NCAPG: variants seen among roughly 807,000 people sequenced by gnomAD.
NCAPG encodes condensin complex subunit 3.
In NCAPG, 69 loss-of-function variants were observed where a neutral mutation model predicts 113.1. The observed-to-expected ratio is 0.61, with a 90% CI of 0.50 to 0.75. The LOEUF (loss-of-function observed/expected upper bound fraction) is 0.75, where lower values mean the gene tolerates loss of function less well. NCAPG is among the 30% of genes least tolerant of loss of function. NCAPG has a pLI of 0.00. For missense variants in NCAPG, 1,058 were observed against 1,177.0 expected (o/e 0.90, Z 1.48); for synonymous variants, 370 against 415.8 (o/e 0.89, Z 1.34).
intron 1 of NCAPG, among the ~76,000 whole-genome samples, chr4:17,812,005 G>C (rs1408803768): frequency 6.6e-6 from 1 of 152,168 alleles, no homozygotes; most frequent in Non-Finnish European, 1.5e-5. Context: ...TCTTTTCACT[G>C]TCAAAAGTCA....
chr4:17,833,742 T>G (rs1560230549), intron 13 of NCAPG, among the ~76,000 whole-genome samples: 1 of 152,014 alleles, frequency 6.6e-6, no homozygotes, highest in Non-Finnish European at 1.5e-5. Flanking sequence ...GTTTCGTGAT[T>G]TACGTCTTTT....
intron 12 of NCAPG, 55 bp from the exon 13 acceptor site, chr4:17,830,942 T>C: frequency 1.3e-6 from 2 of 1,555,624 alleles, no homozygotes; most frequent in Non-Finnish European, 1.8e-6. Context: ...TAATAGACAA[T>C]AGGGAAATGA....
Position 17,844,640 on chromosome 4 carries a change from G to C in NCAPG, c.*1215G>C, listed in dbSNP as rs1019264263. On this transcript the variant is annotated 3_prime_UTR_variant, in exon 21 of 21. Transcript: ENST00000251496. ...TGGCTCTGTGTTCTCCTGTGCTTCA[G>C]ATTCCTTATGTGTTGTTGTTTTAAA... The C allele has an allele frequency of 1.3e-5, 2 of 151,436 alleles. No individual in the cohort carries two copies. Among genetic ancestry groups the C allele is most frequent in the African/African-American group, 2.5e-5 (1 of 40,524 alleles). The allele number at this position is 151,436 out of a possible 1,614,324, so 9.4% of individuals were successfully genotyped here. A position where few individuals can be genotyped will look rare whatever the true frequency, so the allele number is the denominator to read the frequency against.
intron 7 of NCAPG, 52 bp downstream of exon 7, chr4:17,818,140 A>C (rs1249175240): frequency 6.5e-7 from 1 of 1,529,884 alleles, no homozygotes; most frequent in Non-Finnish European, 8.8e-7. Context: ...TGCATGTGTC[A>C]ATCTCCCAGT....
In NCAPG at chr4:17,825,566, A is replaced by C; in HGVS notation, c.1653+5A>C. ...AAAGAAGTCCACATAGAGAAGGTACAGGTAACTTTTTTCATACTAAATCTC... is the reference window on the plus strand; with the variant it reads ...AAAGAAGTCCACATAGAGAAGGTACCGGTAACTTTTTTCATACTAAATCTC... On this transcript the variant is annotated splice_donor_5th_base_variant and intron_variant, in intron 11 of 20. Coordinates refer to ENST00000251496, the MANE Select transcript of NCAPG (RefSeq NM_022346.5). The C allele has an allele frequency of 2.5e-6, 4 of 1,576,860 alleles. No individual in the cohort carries two copies. Among genetic ancestry groups the C allele is most frequent in the Non-Finnish European group, 3.4e-6 (4 of 1,169,958 alleles).
At chr4:17,843,159 T>TTTTAG (rs1722586209) in intron 20 of NCAPG, 143 bp from the exon 21 acceptor site, 2 of 846,120 alleles carry the variant, frequency 2.4e-6, no homozygotes, top group Admixed American at 2.6e-5. Flanking sequence ...GACATTGAGA[T>TTTTAG]TTTAGTTTTA....
At chr4:17,813,295 A>C in intron 3 of NCAPG, 150 bp downstream of exon 3, 2 of 552,316 alleles carry the variant, frequency 3.6e-6, no homozygotes, top group South Asian at 3.4e-5. Context: ...AGTAGCAACC[A>C]CCCAGCTTAA....
chr4:17,829,179 G>A (rs570984219), intron 12 of NCAPG, among the ~76,000 whole-genome samples: 3 of 152,140 alleles, frequency 2.0e-5, no homozygotes, highest in Admixed American at 6.5e-5. Context: ...GTATTAGTGC[G>A]CTGTTTTGTT....
rs747618539 is a variant in NCAPG, at chr4:17,843,410, T to TGAA, written c.3036_3038dup (p.Glu1012dup). On this transcript the variant is annotated inframe_insertion, in exon 21 of 21. Transcript: ENST00000251496. ...AACTTAACCTTGCCCAATTTCTCAA[T>TGAA]GAAGATCTAAGTTAGGAAAGACGAT... is the stretch of plus-strand genomic sequence containing the variant. 33 of 1,611,310 alleles carry TGAA rather than the reference T, an allele frequency of 2.0e-5. No individual in the cohort carries two copies. In the African/African-American group the frequency reaches 3.3e-4, roughly 16 times the overall value.
intron 2 of NCAPG, 63 bp downstream of exon 2, chr4:17,812,487 G>C: frequency 2.5e-6 from 3 of 1,203,672 alleles, no homozygotes; most frequent in South Asian, 1.3e-5. Flanking sequence ...TAAAAGAGTC[G>C]TGGGAGTTTG....
chr4:17,840,557 T>C, intron 18 of NCAPG, 50 bp from the exon 19 acceptor site: 2 of 1,098,810 alleles, frequency 1.8e-6, no homozygotes, highest in Non-Finnish European at 2.5e-6. Flanking sequence ...CAATTTAAAA[T>C]ATTTCATGAG....
rs569715909 is a variant in NCAPG at position 17,817,277 on chromosome 4, T to A, written c.792T>A (p.Ala264=). The change falls in exon 6 of 21, where the codon GCT becomes GCA. Residue 264 remains alanine, a synonymous_variant. Coordinates refer to ENST00000251496, the MANE Select transcript of NCAPG (RefSeq NM_022346.5). The part of the protein sequence containing the change: ...LNDRSDAVKQ[A]MQKHLLQGWL... ...ACTCAATAGATGCTGTGAAACAAGC[T>A]ATGCAGAAGCATCTTCTTCAAGGCT... The A allele has an allele frequency of 1.5e-5, 25 of 1,613,232 alleles. No homozygotes were observed. The East Asian group carries it at 5.1e-4, about 33-fold the overall frequency.
chr4:17,840,724 A>G lies in NCAPG; in HGVS notation c.2854+31A>G, dbSNP rs761676487. The G allele has an allele frequency of 2.9e-6, 4 of 1,362,068 alleles. No individual in the cohort carries two copies. The African/African-American group carries it at 4.5e-5, about 15-fold the overall frequency. The allele number at this position is 1,362,068 out of a possible 1,614,324, so 84.4% of individuals were successfully genotyped here. ...GTGTGGATTGACCATCTTTATGATA[A>G]AAGTTTTAAATTTTATCTTCCAATG... On this transcript the variant is annotated intron_variant, in intron 19 of 20. Transcript: ENST00000251496.
At chr4:17,818,371 T>C (rs1721306148) in intron 7 of NCAPG, among the ~76,000 whole-genome samples, 1 of 152,176 alleles carries the variant, frequency 6.6e-6, no homozygotes, top group Non-Finnish European at 1.5e-5. Flanking sequence ...ATTTCTGAAA[T>C]TGGTTGGCAC....
chr4:17,837,867 T>C, intron 16 of NCAPG, 66 bp downstream of exon 16: 1 of 1,563,238 alleles, frequency 6.4e-7, no homozygotes, highest in South Asian at 1.1e-5. Context: ...CAAAGATCCC[T>C]TGAAATACTG....
intron 13 of NCAPG, among the ~76,000 whole-genome samples, chr4:17,832,875 C>T (rs1721919052): frequency 6.6e-6 from 1 of 152,102 alleles, no homozygotes; most frequent in South Asian, 2.1e-4. Flanking sequence ...GATAGAATGA[C>T]CCAGCTGTCC....
chr4:17,814,949 T>G lies in NCAPG; in HGVS notation c.641T>G (p.Val214Gly). Residue 214 changes from valine (V) to glycine (G), a missense_variant, in exon 4 of 21, where the codon GTA becomes GGA. Transcript: ENST00000251496. ...TCAGCAAAGACTTTGCCAAAAATTGTAGGGCGCACCAAGGATGTGAAAGAG... is the reference window on the plus strand; with the variant it reads ...TCAGCAAAGACTTTGCCAAAAATTGGAGGGCGCACCAAGGATGTGAAAGAG... The part of the protein sequence containing the change: ...APSAKTLPKI[V>G]GRTKDVKEAV... 6.2e-7 allele frequency: 1 copy of G among 1,614,184 alleles called. No individual in the cohort carries two copies. The highest frequency in any genetic ancestry group is 8.5e-7 in the Non-Finnish European group (1 of 1,180,018).
rs1720966835 is a variant in NCAPG at position 17,811,709 on chromosome 4, T to G, written c.112-512T>G. ...CATTCTTATTTATGTACATACTATT[T>G]GTTTGTTTTGAGTGGAACCTTGAGA... On this transcript the variant is annotated intron_variant, in intron 1 of 20. Transcript: ENST00000251496. The surrounding 1 kb of genome is among the most constrained non-coding windows in gnomAD (Gnocchi z 5.3). Among the ~76,000 whole-genome samples, 1 of 152,232 alleles carries G rather than the reference T, an allele frequency of 6.6e-6. No individual in the cohort carries two copies. Among genetic ancestry groups the G allele is most frequent in the Admixed American group, 6.5e-5 (1 of 15,288 alleles).
Position 17,817,457 on chromosome 4 carries a change from C to T in NCAPG, c.968+4C>T. On this transcript the variant is annotated splice_donor_region_variant and intron_variant, in intron 6 of 20. Coordinates refer to ENST00000251496, the MANE Select transcript of NCAPG (RefSeq NM_022346.5). The stretch of plus-strand genomic sequence containing the variant: ...TCTGTAAAAACAATGATGGCAGGTA[C>T]ATAAAGGATTCATTCTTTGAAATGT... 6.2e-7 allele frequency: 1 copy of T among 1,610,656 alleles called. No homozygotes were observed. Among genetic ancestry groups the T allele is most frequent in the South Asian group, 1.1e-5 (1 of 90,780 alleles).
Sources: allele counts gnomAD v4.1 joint callset (sites outside exome capture counted in the v4.1 genomes callset), GRCh38; gene constraint gnomAD v4.1.1; non-coding constraint Gnocchi (gnomAD v3.1); transcripts MANE v1.5; gene names NCBI Gene and HGNC (gene_info 2026-07-23, HGNC 2026-07-21).